The following LUZP2 variants were observed in gnomAD, a reference collection of about 807,000 sequenced individuals.
The protein encoded by LUZP2 is leucine zipper protein 2.
LUZP2 carries 52 observed loss-of-function variants against 51.6 expected under a neutral mutation model. The observed-to-expected ratio is 1.01, with a 90% CI of 0.81 to 1.27. LUZP2 has a LOEUF of 1.27. LUZP2 is among the 50% of genes most tolerant of loss of function. The probability of loss-of-function intolerance (pLI) is 0.00; values close to 1 mark genes in which losing one functional copy is unlikely to be tolerated. For synonymous variants in LUZP2, 154 were observed against 137.3 expected, an observed-to-expected ratio of 1.12 and a Z score of -0.85; for missense variants, 436 against 395.4, an observed-to-expected ratio of 1.10 and a Z score of -0.87.
At chr11:24,619,003 G>A (rs1374305003) in intron 1 of LUZP2, among the ~76,000 whole-genome samples, 1 of 137,416 alleles carries the variant, frequency 7.3e-6, no homozygotes, top group East Asian at 2.2e-4. Context: ...TAACCACTTA[G>A]CATTATTTAT....
At chr11:24,985,037 T>G (rs914052095) in intron 9 of LUZP2, among the ~76,000 whole-genome samples, 5 of 151,754 alleles carry the variant, frequency 3.3e-5, no homozygotes, top group Non-Finnish European at 7.4e-5. Flanking sequence ...TGGTATACCC[T>G]TCTTCTTCTT....
At chr11:24,717,404 C>T (rs1187174186) in intron 1 of LUZP2, among the ~76,000 whole-genome samples, 1 of 149,280 alleles carries the variant, frequency 6.7e-6, no homozygotes, top group African/African-American at 2.5e-5. Context: ...TATTAGAACC[C>T]AATAGTTTTT....
chr11:24,858,101 G>A (rs948749392), intron 5 of LUZP2, among the ~76,000 whole-genome samples: 5 of 152,096 alleles, frequency 3.3e-5, no homozygotes, highest in East Asian at 1.9e-4. Context: ...TCCCCAGGGG[G>A]GAAGGAAAAA....
chr11:24,540,687 T>A (rs1851330112), intron 1 of LUZP2, among the ~76,000 whole-genome samples: 1 of 152,086 alleles, frequency 6.6e-6, no homozygotes, highest in Admixed American at 6.6e-5. Flanking sequence ...TAAAATAATT[T>A]TTACCTTGGT....
chr11:25,027,884 AGGTG>A (rs1857540531), intron 9 of LUZP2, among the ~76,000 whole-genome samples: 1 of 139,874 alleles, frequency 7.1e-6, no homozygotes, highest in Non-Finnish European at 1.5e-5. Flanking sequence ...AAAAAAAAAA[AGGTG>A]TTTAGATTTA....
At chr11:24,686,111 A>G (rs1590346673) in intron 1 of LUZP2, among the ~76,000 whole-genome samples, 1 of 152,096 alleles carries the variant, frequency 6.6e-6, no homozygotes, top group East Asian at 1.9e-4. Context: ...GAGATGGGGA[A>G]ATTCTATCTT....
At chr11:24,626,300 C>T (rs981417143) in intron 1 of LUZP2, among the ~76,000 whole-genome samples, 2 of 152,120 alleles carry the variant, frequency 1.3e-5, no homozygotes, top group Admixed American at 1.3e-4. Flanking sequence ...TTGTGCCATC[C>T]TATCACCTGC....
At chr11:24,794,148 T>C (rs1849483816) in intron 5 of LUZP2, among the ~76,000 whole-genome samples, 1 of 152,118 alleles carries the variant, frequency 6.6e-6, no homozygotes, top group Non-Finnish European at 1.5e-5. Flanking sequence ...TTGTTAGCCT[T>C]GTCAGATCTC....
At chr11:24,880,138 GGCATAGGT>G (rs1424305237) in intron 5 of LUZP2, among the ~76,000 whole-genome samples, 5 of 152,174 alleles carry the variant, frequency 3.3e-5, no homozygotes, top group African/African-American at 1.2e-4. Flanking sequence ...TTGGATTGCT[GGCATAGGT>G]GATTCCCCTC....
At chr11:24,917,722 GT>G (rs1407900744) in intron 7 of LUZP2, among the ~76,000 whole-genome samples, 1 of 152,136 alleles carries the variant, frequency 6.6e-6, no homozygotes, top group East Asian at 1.9e-4. Context: ...GTACCATGCT[GT>G]TTTGGTTACT....
chr11:24,606,121 CAT>C (rs144452990), intron 1 of LUZP2, among the ~76,000 whole-genome samples: 3 of 151,282 alleles, frequency 2.0e-5, no homozygotes, highest in Admixed American at 6.6e-5. Flanking sequence ...CATATGTATA[CAT>C]ATATATATAC....
chr11:24,813,690 A>G (rs1160994688), intron 5 of LUZP2, among the ~76,000 whole-genome samples: 3 of 152,244 alleles, frequency 2.0e-5, no homozygotes, highest in Admixed American at 2.0e-4. Flanking sequence ...ACATTTCAAC[A>G]GGAGATTTGG....
At chr11:24,942,626 C>G (rs1175259177) in intron 7 of LUZP2, among the ~76,000 whole-genome samples, 2 of 151,804 alleles carry the variant, frequency 1.3e-5, no homozygotes, top group Admixed American at 1.3e-4. Flanking sequence ...AATAATAGTT[C>G]TTTATCAGAT....
chr11:24,789,830 G>A (rs150013060), intron 5 of LUZP2, among the ~76,000 whole-genome samples: 2 of 152,138 alleles, frequency 1.3e-5, no homozygotes, highest in South Asian at 2.1e-4. Context: ...TCCCATTCAT[G>A]AGGGCTCTAT....
At chr11:24,542,187 T>G (rs979771161) in intron 1 of LUZP2, among the ~76,000 whole-genome samples, 18 of 151,712 alleles carry the variant, frequency 1.2e-4, no homozygotes, top group Admixed American at 3.3e-4. Context: ...ACAGAGAAAA[T>G]TAAAGATGAG....
chr11:24,682,933 G>A (rs1856793701), intron 1 of LUZP2, among the ~76,000 whole-genome samples: 2 of 152,078 alleles, frequency 1.3e-5, no homozygotes. Context: ...GAACTCAGGA[G>A]GCAGAGGTTG....
In LUZP2 at chr11:24,948,722, A is replaced by G. The variant is rs116534963; in HGVS notation, c.523-27869A>G. ...TAAAATTTCCTCTTCTCTGAATGAAAAACAGGGATAAGAAGATCCAGAAGT... is the reference window on the plus strand; with the variant it reads ...TAAAATTTCCTCTTCTCTGAATGAAGAACAGGGATAAGAAGATCCAGAAGT... On this transcript the variant is annotated intron_variant, in intron 7 of 11. Transcript: ENST00000336930. Among the ~76,000 whole-genome samples, 1,134 of 151,794 alleles carry G rather than the reference A, an allele frequency of 7.5e-3. 15 individuals carry two copies. The highest frequency in any genetic ancestry group is 0.023 in the African/African-American group (948 of 41,512).
chr11:24,911,223 C>G (rs1025827923), intron 6 of LUZP2, among the ~76,000 whole-genome samples: 6 of 152,042 alleles, frequency 3.9e-5, no homozygotes, highest in Admixed American at 6.6e-5. Context: ...GAATTGTGTT[C>G]TCAGATGAGA....
At chr11:24,899,467 A>T (rs1227974373) in intron 5 of LUZP2, among the ~76,000 whole-genome samples, 1 of 152,078 alleles carries the variant, frequency 6.6e-6, no homozygotes, top group Non-Finnish European at 1.5e-5. Flanking sequence ...TATATTGATT[A>T]TATTAAATTA....
Sources: gnomAD v4.1 joint callset for allele counts (sites outside exome capture counted in the v4.1 genomes callset) on GRCh38, gnomAD v4.1.1 for gene constraint, MANE v1.5 for transcripts, NCBI Gene and HGNC (gene_info 2026-07-23, HGNC 2026-07-21) for gene names.